TAS2R1: variants seen among roughly 807,000 people sequenced by gnomAD.
The protein encoded by TAS2R1 is taste 2 receptor member 1.
For missense variants in TAS2R1, 370 were observed against 353.4 expected, an observed-to-expected ratio of 1.05 and a Z score of -0.38; for synonymous variants, 141 against 134.2, an observed-to-expected ratio of 1.05 and a Z score of -0.35.
chr5:9,814,306 G>GA, the TAS2R1 span, among the ~76,000 whole-genome samples: 107 of 145,290 alleles, frequency 7.4e-4, no homozygotes, highest in Non-Finnish European at 9.7e-4. Context: ...AATGGAAAGT[G>GA]AAAAAAAAAA....
the TAS2R1 span, among the ~76,000 whole-genome samples, chr5:9,842,605 G>C: frequency 6.6e-6 from 1 of 152,132 alleles, no homozygotes; most frequent in African/African-American, 2.4e-5. Context: ...TTACAGGCAT[G>C]AGCCACTGTG....
chr5:9,822,619 G>A, the TAS2R1 span, among the ~76,000 whole-genome samples: 2 of 152,036 alleles, frequency 1.3e-5, no homozygotes, highest in African/African-American at 4.8e-5. Context: ...AAAGTGCTGG[G>A]ATTACAGGTG....
chr5:9,764,308 G>T, the TAS2R1 span, among the ~76,000 whole-genome samples: 1 of 152,154 alleles, frequency 6.6e-6, no homozygotes, highest in Admixed American at 6.5e-5. Context: ...CGACACATCT[G>T]TAACACTCAG....
At chr5:9,845,502 G>A in the TAS2R1 span, among the ~76,000 whole-genome samples, 1 of 152,192 alleles carries the variant, frequency 6.6e-6, no homozygotes, top group Non-Finnish European at 1.5e-5. Flanking sequence ...GTGCTCTTCA[G>A]GGATAAGGCA....
chr5:9,841,457 CA>C, the TAS2R1 span, among the ~76,000 whole-genome samples: 1 of 152,140 alleles, frequency 6.6e-6, no homozygotes, highest in African/African-American at 2.4e-5. Flanking sequence ...AGTTTGTTTA[CA>C]AATTCTCTAT....
intron 1 of TAS2R1, among the ~76,000 whole-genome samples, chr5:9,684,833 A>G (rs746899220): frequency 6.6e-6 from 1 of 151,518 alleles, no homozygotes; most frequent in African/African-American, 2.4e-5. Flanking sequence ...AAATATGTAC[A>G]ATGATTATGT....
At chr5:9,807,831 C>T in the TAS2R1 span, among the ~76,000 whole-genome samples, 7 of 151,840 alleles carry the variant, frequency 4.6e-5, no homozygotes, top group Non-Finnish European at 1.0e-4. Context: ...TGAGTGTAAC[C>T]AAACACAACC....
the TAS2R1 span, among the ~76,000 whole-genome samples, chr5:9,803,670 T>C: frequency 2.6e-5 from 4 of 152,196 alleles, no homozygotes; most frequent in African/African-American, 4.8e-5. Context: ...AAAGATACAG[T>C]CTTTTCCAGA....
chr5:9,806,726 C>T, the TAS2R1 span, among the ~76,000 whole-genome samples: 272 of 152,208 alleles, frequency 1.8e-3, 12 homozygotes, highest in East Asian at 0.033. Context: ...ATTCTCATTT[C>T]TCATCTTATA....
chr5:9,740,775 T>C, the TAS2R1 span, among the ~76,000 whole-genome samples: 11 of 152,224 alleles, frequency 7.2e-5, no homozygotes, highest in African/African-American at 2.4e-4. Flanking sequence ...GTGGGTCTCC[T>C]GTGGCTGGCT....
At chr5:9,867,717 T>TA in the TAS2R1 span, among the ~76,000 whole-genome samples, 1 of 152,198 alleles carries the variant, frequency 6.6e-6, no homozygotes. Context: ...TCCAAAGTCT[T>TA]AACTCATTTC....
the TAS2R1 span, among the ~76,000 whole-genome samples, chr5:9,796,720 G>GAAAAAAAAAAAAAAAAAAAAAAAAA: frequency 1.3e-5 from 1 of 77,332 alleles, no homozygotes; most frequent in Non-Finnish European, 2.3e-5. Context: ...GCTATTTTCT[G>GAAAAAAAAAAAAAAAAAAAAAAAAA]GAAAAAAAAA....
At chr5:9,889,736 A>C in the TAS2R1 span, 27 of 152,318 alleles carry the variant, frequency 1.8e-4, no homozygotes, top group African/African-American at 5.8e-4. Context: ...CTGGGTCAGA[A>C]GGGGCAGAGT....
chr5:9,693,356 C>G (rs1373260898), intron 1 of TAS2R1, among the ~76,000 whole-genome samples: 2 of 151,362 alleles, frequency 1.3e-5, no homozygotes, highest in East Asian at 3.9e-4. Flanking sequence ...ATTTTTAGTT[C>G]TCTACTAAAA....
the TAS2R1 span, among the ~76,000 whole-genome samples, chr5:9,736,606 T>C: frequency 6.6e-6 from 1 of 152,172 alleles, no homozygotes; most frequent in African/African-American, 2.4e-5. Flanking sequence ...CTGTTGTGCC[T>C]TGCAAAACCC....
the TAS2R1 span, among the ~76,000 whole-genome samples, chr5:9,737,680 G>A: frequency 6.6e-6 from 1 of 152,130 alleles, no homozygotes; most frequent in Non-Finnish European, 1.5e-5. Context: ...AACAGAACAG[G>A]CAAGATGCTG....
the TAS2R1 span, among the ~76,000 whole-genome samples, chr5:9,898,186 C>T: frequency 6.6e-6 from 1 of 152,178 alleles, no homozygotes; most frequent in African/African-American, 2.4e-5. Flanking sequence ...AAATAACCAT[C>T]TTTGAAAAAT....
chr5:9,875,768 T>A, the TAS2R1 span, among the ~76,000 whole-genome samples: 1 of 151,076 alleles, frequency 6.6e-6, no homozygotes, highest in Non-Finnish European at 1.5e-5. Flanking sequence ...TCCCTCCGAG[T>A]AGGTTAGAAG....
At chr5:9,847,975 A>G in the TAS2R1 span, among the ~76,000 whole-genome samples, 3 of 152,230 alleles carry the variant, frequency 2.0e-5, no homozygotes, top group Non-Finnish European at 4.4e-5. Flanking sequence ...AGACTTACTG[A>G]ATCAGAAACT....
Sources: gnomAD v4.1 joint callset for allele counts (sites outside exome capture counted in the v4.1 genomes callset) on GRCh38, gnomAD v4.1.1 for gene constraint, MANE v1.5 for transcripts, NCBI Gene and HGNC (gene_info 2026-07-23, HGNC 2026-07-21) for gene names.